Variants in SAMTOR observed in about 807,000 individuals in gnomAD.
SAMTOR encodes the protein UPF0532 protein C7orf60.
At chr7:112,902,461 C>CAAAAAAAAAA in the SAMTOR span, among the ~76,000 whole-genome samples, 1 of 64,800 alleles carries the variant, frequency 1.5e-5, no homozygotes, top group African/African-American at 5.4e-5. Context: ...AAAAAAAAAA[C>CAAAAAAAAAA]CAAAAAAGTT....
the SAMTOR span, among the ~76,000 whole-genome samples, chr7:112,903,129 C>A: frequency 6.6e-6 from 1 of 152,024 alleles, no homozygotes; most frequent in East Asian, 1.9e-4. Flanking sequence ...GCCTGACCAA[C>A]ATAGTAAAAC....
chr7:112,864,155 G>C, the SAMTOR span, among the ~76,000 whole-genome samples: 1 of 152,134 alleles, frequency 6.6e-6, no homozygotes, highest in Non-Finnish European at 1.5e-5. Flanking sequence ...CAGAAAACCA[G>C]ATACCACATG....
the SAMTOR span, among the ~76,000 whole-genome samples, chr7:112,841,033 T>A: frequency 6.6e-6 from 1 of 152,020 alleles, no homozygotes; most frequent in Non-Finnish European, 1.5e-5. Context: ...ATGACAAGGA[T>A]GCCCCCTCTC....
the SAMTOR span, among the ~76,000 whole-genome samples, chr7:112,921,538 C>A: frequency 6.7e-6 from 1 of 148,658 alleles, no homozygotes; most frequent in Admixed American, 6.7e-5. Flanking sequence ...TAGGCATGGG[C>A]AAGGACTTCA....
chr7:112,930,482 T>C, the SAMTOR span, among the ~76,000 whole-genome samples: 1 of 150,792 alleles, frequency 6.6e-6, no homozygotes, highest in Non-Finnish European at 1.5e-5. Flanking sequence ...CTAAAAAGGT[T>C]GGACTTTTCA....
chr7:112,934,912 T>C, the SAMTOR span, among the ~76,000 whole-genome samples: 2 of 152,226 alleles, frequency 1.3e-5, no homozygotes, highest in Non-Finnish European at 2.9e-5. Context: ...TAAACACTAA[T>C]GTACATTGTA....
At chr7:112,897,558 A>G in the SAMTOR span, among the ~76,000 whole-genome samples, 1 of 152,310 alleles carries the variant, frequency 6.6e-6, no homozygotes, top group South Asian at 2.1e-4. Flanking sequence ...ATATCCCCAT[A>G]TACCCTCAAA....
At chr7:112,909,162 C>T in the SAMTOR span, among the ~76,000 whole-genome samples, 1 of 152,260 alleles carries the variant, frequency 6.6e-6, no homozygotes, top group East Asian at 1.9e-4. Context: ...ATATTTTAAC[C>T]CCCCAGCCTA....
the SAMTOR span, among the ~76,000 whole-genome samples, chr7:112,864,438 A>C: frequency 1.3e-5 from 2 of 152,198 alleles, no homozygotes; most frequent in African/African-American, 4.8e-5. Context: ...TTTTATGATA[A>C]AGTTTAATGA....
chr7:112,874,902 T>C, the SAMTOR span, among the ~76,000 whole-genome samples: 3 of 152,146 alleles, frequency 2.0e-5, no homozygotes, highest in Non-Finnish European at 2.9e-5. Flanking sequence ...TGTGAGCTAT[T>C]TTTCAGTTCC....
At chr7:112,844,622 C>G in the SAMTOR span, among the ~76,000 whole-genome samples, 1 of 152,164 alleles carries the variant, frequency 6.6e-6, no homozygotes, top group Non-Finnish European at 1.5e-5. Flanking sequence ...GAAAAACATT[C>G]CATGTTCATG....
chr7:112,849,220 T>C, the SAMTOR span, among the ~76,000 whole-genome samples: 4 of 152,306 alleles, frequency 2.6e-5, no homozygotes, highest in South Asian at 8.3e-4. Context: ...CTACCACAAA[T>C]AAACACACAT....
the SAMTOR span, among the ~76,000 whole-genome samples, chr7:112,929,473 C>T: frequency 6.6e-6 from 1 of 151,928 alleles, no homozygotes; most frequent in Non-Finnish European, 1.5e-5. Context: ...AAAAGTGAAT[C>T]CTGTATACTT....
the SAMTOR span, among the ~76,000 whole-genome samples, chr7:112,910,319 T>A: frequency 9.2e-3 from 1,406 of 152,308 alleles, 19 homozygotes; most frequent in African/African-American, 0.031. Flanking sequence ...AATTACATAT[T>A]TTTTAATCTG....
the SAMTOR span, among the ~76,000 whole-genome samples, chr7:112,823,973 G>GTGTC: frequency 2.0e-5 from 3 of 152,168 alleles, no homozygotes; most frequent in Non-Finnish European, 4.4e-5. Context: ...CTATGTTAAA[G>GTGTC]TGTCTGTTCA....
the SAMTOR span, among the ~76,000 whole-genome samples, chr7:112,919,529 A>G: frequency 6.6e-6 from 1 of 152,130 alleles, no homozygotes; most frequent in South Asian, 2.1e-4. Flanking sequence ...TAACATCACA[A>G]TTAAAAGAAC....
the SAMTOR span, among the ~76,000 whole-genome samples, chr7:112,864,511 T>C: frequency 1.3e-5 from 2 of 152,188 alleles, no homozygotes; most frequent in African/African-American, 4.8e-5. Context: ...ACAAAGATCT[T>C]TGGGGGGTAG....
At chr7:112,855,766 T>G in the SAMTOR span, among the ~76,000 whole-genome samples, 14 of 152,218 alleles carry the variant, frequency 9.2e-5, no homozygotes, top group African/African-American at 1.9e-4. Flanking sequence ...TTTACCCAGA[T>G]AATCTATTTT....
At chr7:112,915,011 C>A in the SAMTOR span, among the ~76,000 whole-genome samples, 1 of 151,972 alleles carries the variant, frequency 6.6e-6, no homozygotes, top group Non-Finnish European at 1.5e-5. Context: ...GAGGCTGAGG[C>A]GGGCAGGTCA....
Sources: allele counts gnomAD v4.1 joint callset (sites outside exome capture counted in the v4.1 genomes callset), GRCh38; gene constraint gnomAD v4.1.1; transcripts MANE v1.5; gene names NCBI Gene and HGNC (gene_info 2026-07-23, HGNC 2026-07-21).